Variants in TRHDE observed in about 807,000 individuals in gnomAD.
TRHDE encodes the protein thyrotropin-releasing hormone-degrading ectoenzyme.
A neutral mutation model predicts 125.7 loss-of-function variants in TRHDE; 72 were observed. The ratio of observed to expected loss-of-function variants is 0.57; its 90% CI spans 0.47 to 0.70. The LOEUF is 0.70. Among genes scored for constraint, TRHDE ranks in the 30% least tolerant of loss-of-function variants. TRHDE has a pLI of 0.00. For synonymous variants in TRHDE, 509 were observed against 509.1 expected (o/e 1.00, Z 0.00); for missense variants, 1,110 against 1,327.1 (o/e 0.84, Z 2.54).
At chr12:72,616,526 T>C (rs1384287815) in intron 12 of TRHDE, among the ~76,000 whole-genome samples, 1 of 152,114 alleles carries the variant, frequency 6.6e-6, no homozygotes, top group Non-Finnish European at 1.5e-5. Context: ...CGATCCAGGC[T>C]AGTTTCTTTC....
intron 5 of TRHDE, among the ~76,000 whole-genome samples, chr12:72,498,069 T>C (rs994414578): frequency 6.6e-6 from 1 of 152,104 alleles, no homozygotes; most frequent in Non-Finnish European, 1.5e-5. Context: ...ATAATCCTCT[T>C]GGATGGAGCA....
In TRHDE at chr12:72,272,791, G is replaced by A. The variant is rs1368408252; in HGVS notation, c.148G>A (p.Asp50Asn). 2.6e-6 allele frequency: 4 copies of A among 1,560,358 alleles called. No individual in the cohort carries two copies. In the African/African-American group the frequency reaches 4.1e-5, roughly 16 times the overall value. Residue 50 changes from aspartate (D) to asparagine (N), a missense_variant, in exon 1 of 19, where the codon GAC becomes AAC. Coordinates refer to ENST00000261180, the MANE Select transcript of TRHDE (RefSeq NM_013381.3). The surrounding 1 kb of genome is among the most constrained non-coding windows in gnomAD (Gnocchi z 6.7). ...CTTCGCAGCCGCGATGGGGGAAGAC[G>A]ACGCCGCGCTTCGGGCTGGCAGCAG... The part of the protein sequence containing the change: ...SPFAAAMGED[D>N]AALRAGSRGL...
chr12:72,654,009 C>A lies in TRHDE; in HGVS notation c.2984+853C>A, dbSNP rs556337832. Among the ~76,000 whole-genome samples the A allele has an allele frequency of 2.0e-5, 3 of 152,224 alleles. No individual in the cohort carries two copies. In the East Asian group the frequency reaches 5.8e-4, roughly 29 times the overall value. On this transcript the variant is annotated intron_variant, in intron 17 of 18. Transcript: ENST00000261180. ...ATAGGTATTTCATTGTCAGAAAACACTGATATTTCTATAAGACACATTGAC... is the reference window on the plus strand; with the variant it reads ...ATAGGTATTTCATTGTCAGAAAACAATGATATTTCTATAAGACACATTGAC...
At position 72,469,883 on chromosome 12, in the gene TRHDE, A is replaced by T; in HGVS notation, c.1441A>T (p.Met481Leu). 1 of 1,614,102 alleles carries T rather than the reference A, an allele frequency of 6.2e-7. No homozygotes were observed. The highest frequency in any genetic ancestry group is 8.5e-7 in the Non-Finnish European group (1 of 1,179,990). Residue 481 changes from methionine to leucine, a missense_variant, in exon 4 of 19, where the codon ATG (methionine) becomes TTG (leucine). Physicochemically the swap from Met to Leu is conservative, Grantham distance 15 (BLOSUM62 2). This residue lies in a region of TRHDE where 252 missense variants were observed against 274.8 expected (regional missense o/e 0.92). Coordinates refer to ENST00000261180, the MANE Select transcript of TRHDE (RefSeq NM_013381.3). Reference sequence around the variant, plus strand: ...TATTTCTTATTTGCTGGATGTCACCATGGTCATTGTTCATGAGATATGTCA... The same window carrying T: ...TATTTCTTATTTGCTGGATGTCACCTTGGTCATTGTTCATGAGATATGTCA... ...SSISYLLDVT[M>L]VIVHEICHQW... is the part of the protein sequence containing the mutation.
intron 15 of TRHDE, among the ~76,000 whole-genome samples, chr12:72,644,376 C>A (rs2136103257): frequency 6.6e-6 from 1 of 152,258 alleles, no homozygotes; most frequent in South Asian, 2.1e-4. Context: ...CCTTGGAACT[C>A]TAAAAAGTCT....
intron 2 of TRHDE, among the ~76,000 whole-genome samples, chr12:72,153,318 T>C (rs1188827732): frequency 6.6e-6 from 1 of 152,226 alleles, no homozygotes; most frequent in East Asian, 1.9e-4. Context: ...TAGCAGTCTA[T>C]CAATTTTGCT....
intron 12 of TRHDE, among the ~76,000 whole-genome samples, chr12:72,597,713 G>GTGTATA (rs1872016220): frequency 1.1e-4 from 2 of 18,484 alleles, no homozygotes; most frequent in East Asian, 3.5e-3. Context: ...GTGTGTGTAT[G>GTGTATA]TATATATATA....
intron 7 of TRHDE, among the ~76,000 whole-genome samples, chr12:72,543,462 G>A (rs536474057): frequency 2.0e-5 from 3 of 151,472 alleles, no homozygotes; most frequent in African/African-American, 7.2e-5. Context: ...GAATCTATTT[G>A]CTGTATGTTA....
At chr12:72,202,489 T>C (rs1200689684) in intron 2 of TRHDE, among the ~76,000 whole-genome samples, 1 of 152,238 alleles carries the variant, frequency 6.6e-6, no homozygotes, top group Non-Finnish European at 1.5e-5. Flanking sequence ...CTATTTCTAC[T>C]GTGGGAAGCT....
At chr12:72,521,445 G>C (rs998503452) in intron 6 of TRHDE, among the ~76,000 whole-genome samples, 7 of 151,954 alleles carry the variant, frequency 4.6e-5, no homozygotes, top group African/African-American at 1.5e-4. Flanking sequence ...GGTGTAGAGG[G>C]GAGAGTGTGA....
chr12:72,555,683 T>C (rs1000856416), intron 7 of TRHDE, among the ~76,000 whole-genome samples: 2 of 152,188 alleles, frequency 1.3e-5, no homozygotes, highest in Non-Finnish European at 2.9e-5. Flanking sequence ...CTGTCACTGT[T>C]GTAGTCTCCT....
chr12:72,378,919 A>C (rs1229891756), intron 3 of TRHDE, among the ~76,000 whole-genome samples: 1 of 152,214 alleles, frequency 6.6e-6, no homozygotes, highest in African/African-American at 2.4e-5. Flanking sequence ...GAGTACCTAC[A>C]TGCATTAGAA....
At chr12:72,516,872 C>T (rs1236919930) in intron 6 of TRHDE, among the ~76,000 whole-genome samples, 1 of 152,028 alleles carries the variant, frequency 6.6e-6, no homozygotes, top group African/African-American at 2.4e-5. Flanking sequence ...TGAATTTTGT[C>T]AAAGGCCTTT....
intron 2 of TRHDE, among the ~76,000 whole-genome samples, chr12:72,363,980 G>C (rs2135755254): frequency 1.3e-5 from 2 of 152,054 alleles, no homozygotes; most frequent in South Asian, 4.1e-4. Context: ...ACCAATAACA[G>C]ACAAACAGAG....
intron 2 of TRHDE, among the ~76,000 whole-genome samples, chr12:72,368,901 C>T (rs1162655968): frequency 3.9e-5 from 6 of 152,084 alleles, no homozygotes; most frequent in Non-Finnish European, 5.9e-5. Flanking sequence ...CCCTTGTGTA[C>T]ACAGCTGGCA....
At chr12:72,386,314 C>G (rs1462402276) in intron 3 of TRHDE, among the ~76,000 whole-genome samples, 1 of 152,120 alleles carries the variant, frequency 6.6e-6, no homozygotes, top group African/African-American at 2.4e-5. Flanking sequence ...AGGAAATAAC[C>G]ATTTTAAACG....
intron 2 of TRHDE, among the ~76,000 whole-genome samples, chr12:72,119,387 T>G (rs1439147772): frequency 2.0e-5 from 3 of 152,210 alleles, no homozygotes. Flanking sequence ...TTATTACATT[T>G]TGGTCATAGA....
In TRHDE at chr12:72,664,859, A is replaced by G. The variant is rs1326349775; in HGVS notation, c.*1664A>G. On this transcript the variant is annotated 3_prime_UTR_variant, in exon 19 of 19. Coordinates refer to ENST00000261180, the MANE Select transcript of TRHDE (RefSeq NM_013381.3). ...TATTTCCGAATCTATAGAATAAAGT[A>G]CCACCTAAAACTGAATTTTATCATA... 1 of 152,068 alleles carries G rather than the reference A, an allele frequency of 6.6e-6. No individual in the cohort carries two copies. Among genetic ancestry groups the G allele is most frequent in the Non-Finnish European group, 1.5e-5 (1 of 67,978 alleles). 9.4% of individuals were successfully genotyped at this position (152,068 alleles called of 1,614,324 possible). A position where few individuals can be genotyped will look rare whatever the true frequency, so the allele number is the denominator to read the frequency against.
chr12:72,133,577 A>T (rs183884232), intron 2 of TRHDE, among the ~76,000 whole-genome samples: 1 of 152,170 alleles, frequency 6.6e-6, no homozygotes, highest in African/African-American at 2.4e-5. Context: ...TGTTGGTTGA[A>T]TTTCAAGATG....
Sources: gnomAD v4.1 joint callset for allele counts (sites outside exome capture counted in the v4.1 genomes callset) on GRCh38, gnomAD v4.1.1 for gene constraint, gnomAD v4.1.1 regional missense constraint, Gnocchi (gnomAD v3.1) non-coding constraint, MANE v1.5 for transcripts, NCBI Gene and HGNC (gene_info 2026-07-23, HGNC 2026-07-21) for gene names.